The following NSMCE2 variants were observed in gnomAD, a reference collection of about 807,000 sequenced individuals.
NSMCE2 encodes NSE2 SUMO ligase component of SMC5/6 complex, also known as E3 SUMO-protein ligase NSE2.
Under a neutral mutation model 23.8 loss-of-function variants are expected in NSMCE2, and 24 were observed. The ratio of observed to expected loss-of-function variants is 1.01; its 90% CI spans 0.73 to 1.42. The LOEUF is 1.42. Among genes scored for constraint, NSMCE2 ranks in the 40% most tolerant of loss-of-function variants. NSMCE2 has a pLI of 0.00. For missense variants in NSMCE2, 284 were observed against 296.5 expected, an observed-to-expected ratio of 0.96 and a Z score of 0.31; for synonymous variants, 92 against 94.1, an observed-to-expected ratio of 0.98 and a Z score of 0.13.
At chr8:125,243,500 T>A (rs1563739768) in intron 5 of NSMCE2, among the ~76,000 whole-genome samples, 1 of 133,790 alleles carries the variant, frequency 7.5e-6, no homozygotes, top group Non-Finnish European at 1.5e-5. Flanking sequence ...TAATAATTTT[T>A]TAAAAAAAAA....
chr8:125,105,680 C>G (rs1253457188), intron 3 of NSMCE2, among the ~76,000 whole-genome samples: 1 of 152,130 alleles, frequency 6.6e-6, no homozygotes, highest in Non-Finnish European at 1.5e-5. Context: ...TGTTGTAGTG[C>G]AAAACCCACC....
At chr8:125,120,128 C>A (rs1410193277) in intron 3 of NSMCE2, among the ~76,000 whole-genome samples, 3 of 152,116 alleles carry the variant, frequency 2.0e-5, no homozygotes, top group Non-Finnish European at 4.4e-5. Flanking sequence ...AAATTAGAAT[C>A]TTACAGTACA....
chr8:125,275,161 C>G (rs1362267092), intron 5 of NSMCE2, among the ~76,000 whole-genome samples: 2 of 151,852 alleles, frequency 1.3e-5, no homozygotes, highest in Non-Finnish European at 2.9e-5. Flanking sequence ...ACTCTTCACA[C>G]CCCCCTTCCA....
intron 4 of NSMCE2, among the ~76,000 whole-genome samples, chr8:125,160,718 C>T (rs978014364): frequency 1.3e-5 from 2 of 152,160 alleles, no homozygotes; most frequent in African/African-American, 4.8e-5. Context: ...AGTAAACATT[C>T]ACAGTTTTTA....
chr8:125,182,019 T>C lies in NSMCE2; in HGVS notation c.265-84T>C, dbSNP rs531212501. ...CCTCACTATCTTTTGCTTTGAATTA[T>C]CTGAGATAAAAACAATGTTGCAAAA... On this transcript the variant is annotated intron_variant, in intron 4 of 7. Coordinates refer to ENST00000287437, the MANE Select transcript of NSMCE2 (RefSeq NM_173685.4). 7.0e-6 allele frequency: 7 copies of C among 1,002,516 alleles called. No homozygotes were observed. In the African/African-American group the frequency reaches 1.1e-4, roughly 16 times the overall value. The allele number at this position is 1,002,516 out of a possible 1,614,324, so 62.1% of individuals were successfully genotyped here. A position where few individuals can be genotyped will look rare whatever the true frequency, so the allele number is the denominator to read the frequency against.
chr8:125,235,397 G>T (rs1336905251), intron 5 of NSMCE2, among the ~76,000 whole-genome samples: 1 of 151,934 alleles, frequency 6.6e-6, no homozygotes, highest in Non-Finnish European at 1.5e-5. Flanking sequence ...ATATATGCTT[G>T]TGGCAAAAAT....
intron 5 of NSMCE2, among the ~76,000 whole-genome samples, chr8:125,297,018 A>G (rs540109868): frequency 6.6e-6 from 1 of 152,326 alleles, no homozygotes; most frequent in East Asian, 1.9e-4. Flanking sequence ...CTCATTGCAA[A>G]CATTAAGTTA....
intron 5 of NSMCE2, among the ~76,000 whole-genome samples, chr8:125,300,952 C>A (rs1828538956): frequency 6.6e-6 from 1 of 152,234 alleles, no homozygotes; most frequent in South Asian, 2.1e-4. Flanking sequence ...CAGTGGTCAT[C>A]TCAGTTCCAA....
rs566393268 is a variant in NSMCE2, at chr8:125,113,714, A to G, written c.157+11227A>G. On this transcript the variant is annotated intron_variant, in intron 3 of 7. Coordinates refer to ENST00000287437, the MANE Select transcript of NSMCE2 (RefSeq NM_173685.4). ...AAATTCATAATTCATTTCCCCCGTC[A>G]TCCTCTCCTTTCTCATCAGCAGGAT... Among the ~76,000 whole-genome samples the G allele has an allele frequency of 3.1e-3, 473 of 152,320 alleles. 3 individuals carry two copies. The highest frequency in any genetic ancestry group is 0.011 in the African/African-American group (451 of 41,572).
At chr8:125,151,096 A>G (rs1820995350) in intron 3 of NSMCE2, 75 bp from the exon 4 acceptor site, 2 of 697,356 alleles carry the variant, frequency 2.9e-6, no homozygotes, top group Non-Finnish European at 5.2e-6. Context: ...ACTGATGTAG[A>G]TTGTATTGAT....
chr8:125,308,567 A>G (rs115313055), intron 5 of NSMCE2, among the ~76,000 whole-genome samples: 3 of 152,180 alleles, frequency 2.0e-5, no homozygotes, highest in Non-Finnish European at 4.4e-5. Context: ...TATAGGTTGT[A>G]TCTGGGGAAG....
At chr8:125,156,702 G>A (rs938645569) in intron 4 of NSMCE2, among the ~76,000 whole-genome samples, 1 of 152,172 alleles carries the variant, frequency 6.6e-6, no homozygotes, top group Admixed American at 6.5e-5. Context: ...TGTACTTGAT[G>A]TATGCTATTG....
intron 5 of NSMCE2, among the ~76,000 whole-genome samples, chr8:125,330,196 T>TG (rs11440819): frequency 6.7e-6 from 1 of 150,014 alleles, no homozygotes; most frequent in Admixed American, 6.7e-5. Context: ...TTTTTTTTTT[T>TG]GAGACAGTCT....
At chr8:125,243,051 A>G (rs1825819175) in intron 5 of NSMCE2, among the ~76,000 whole-genome samples, 1 of 152,190 alleles carries the variant, frequency 6.6e-6, no homozygotes, top group Non-Finnish European at 1.5e-5. Context: ...TGGAAAAAAA[A>G]TCACCAGACA....
intron 3 of NSMCE2, 39 bp downstream of exon 3, chr8:125,102,526 G>A (rs754926378): frequency 6.5e-7 from 1 of 1,538,382 alleles, no homozygotes; most frequent in African/African-American, 1.4e-5. Flanking sequence ...CTACTTTGAG[G>A]TAACACTGTG....
At chr8:125,218,092 AT>A (rs537659352) in intron 5 of NSMCE2, among the ~76,000 whole-genome samples, 4 of 152,066 alleles carry the variant, frequency 2.6e-5, no homozygotes, top group Non-Finnish European at 5.9e-5. Context: ...GTGAAACCTA[AT>A]TTTTCTCCTT....
chr8:125,304,548 G>A (rs1828680683), intron 5 of NSMCE2, among the ~76,000 whole-genome samples: 1 of 152,082 alleles, frequency 6.6e-6, no homozygotes, highest in African/African-American at 2.4e-5. Flanking sequence ...AAGGATCCAG[G>A]TTTGGGAGCT....
At chr8:125,092,919 G>T (rs966911876) in intron 1 of NSMCE2, among the ~76,000 whole-genome samples, 2 of 152,198 alleles carry the variant, frequency 1.3e-5, no homozygotes, top group African/African-American at 4.8e-5. Context: ...GGGCTGTCCT[G>T]TGTTTTGTAG....
At chr8:125,218,038 C>T (rs1451940844) in intron 5 of NSMCE2, among the ~76,000 whole-genome samples, 1 of 152,094 alleles carries the variant, frequency 6.6e-6, no homozygotes, top group Non-Finnish European at 1.5e-5. Flanking sequence ...TTTGTTTATT[C>T]GTGTTTGTAC....
Sources: allele counts gnomAD v4.1 joint callset (sites outside exome capture counted in the v4.1 genomes callset), GRCh38; gene constraint gnomAD v4.1.1; transcripts MANE v1.5; gene names NCBI Gene and HGNC (gene_info 2026-07-23, HGNC 2026-07-21).